Variants in CYRIB observed in about 807,000 individuals in gnomAD.
The protein encoded by CYRIB is CYFIP-related Rac1 interactor B.
A neutral mutation model predicts 44.2 loss-of-function variants in CYRIB; 8 were observed. That is an observed-to-expected ratio of 0.18 (90% CI 0.11 to 0.33). CYRIB has a LOEUF of 0.33. CYRIB is among the 10% of genes least tolerant of loss of function. CYRIB has a pLI of 1.00. For synonymous variants in CYRIB, 131 were observed against 127.2 expected, an observed-to-expected ratio of 1.03 and a Z score of -0.20; for missense variants, 185 against 382.8, an observed-to-expected ratio of 0.48 and a Z score of 4.31.
chr8:130,000,806 C>T (rs1400697441), intron 1 of CYRIB, among the ~76,000 whole-genome samples: 1 of 151,890 alleles, frequency 6.6e-6, no homozygotes, highest in East Asian at 1.9e-4. Flanking sequence ...CCCTGGAGCT[C>T]AGGAGTTAGA....
At chr8:129,949,304 A>G (rs1250148433) in intron 2 of CYRIB, 1 of 152,240 alleles carries the variant, frequency 6.6e-6, no homozygotes, top group Non-Finnish European at 1.5e-5. Context: ...CCATTATTAC[A>G]GAAAGTGATT....
intron 1 of CYRIB, among the ~76,000 whole-genome samples, chr8:129,915,911 C>T (rs2080497995): frequency 6.6e-6 from 1 of 152,144 alleles, no homozygotes; most frequent in Non-Finnish European, 1.5e-5. Flanking sequence ...CATCTTATTA[C>T]ATTCGTATTT....
intron 3 of CYRIB, among the ~76,000 whole-genome samples, chr8:129,876,994 C>T (rs947731244): frequency 1.3e-5 from 2 of 152,106 alleles, no homozygotes; most frequent in African/African-American, 4.8e-5. Flanking sequence ...TAAGAGAACA[C>T]CCATCTGATA....
intron 1 of CYRIB, among the ~76,000 whole-genome samples, chr8:129,909,191 A>T (rs1173615691): frequency 6.6e-6 from 1 of 152,338 alleles, no homozygotes; most frequent in Non-Finnish European, 1.5e-5. Context: ...ACCTCCAGGA[A>T]AAAGTAAATT....
intron 5 of CYRIB, among the ~76,000 whole-genome samples, chr8:129,856,847 G>A (rs1474114548): frequency 6.6e-6 from 1 of 152,136 alleles, no homozygotes; most frequent in Non-Finnish European, 1.5e-5. Context: ...TGACTCCAAA[G>A]CCCTATTCTT....
chr8:129,995,456 C>A (rs1299425192), intron 1 of CYRIB, among the ~76,000 whole-genome samples: 1 of 152,228 alleles, frequency 6.6e-6, no homozygotes, highest in Admixed American at 6.5e-5. Flanking sequence ...CATTCAGCAT[C>A]AGTTACATTG....
chr8:129,974,103 A>C (rs2095823214), intron 1 of CYRIB, among the ~76,000 whole-genome samples: 1 of 152,148 alleles, frequency 6.6e-6, no homozygotes, highest in African/African-American at 2.4e-5. Context: ...AGGCCAAGGC[A>C]GGAGACCCAG....
At chr8:129,988,255 G>A (rs2096535215) in intron 1 of CYRIB, among the ~76,000 whole-genome samples, 1 of 152,176 alleles carries the variant, frequency 6.6e-6, no homozygotes, top group Non-Finnish European at 1.5e-5. Context: ...GTGTCTTCCG[G>A]CCGGCTCTCT....
Position 129,957,573 on chromosome 8 carries a change from G to A in CYRIB, c.-243+13370C>T, listed in dbSNP as rs113950964. 1.8e-3 allele frequency among the ~76,000 whole-genome samples: 279 copies of A among 152,294 alleles called. 2 individuals are homozygous for A. Among genetic ancestry groups the A allele is most frequent in the African/African-American group, 6.5e-3 (268 of 41,546 alleles). Reference sequence around the variant, plus strand: ...ATTGCCGGCACGATGGCTCACACCTGTAATCCCAGCACTTTGGGAGGTGGA... The same window carrying A: ...ATTGCCGGCACGATGGCTCACACCTATAATCCCAGCACTTTGGGAGGTGGA... On this transcript the variant is annotated intron_variant, in intron 2 of 14. Coordinates refer to the CYRIB transcript ENST00000401979.
At chr8:129,914,719 G>A (rs1049830381) in intron 1 of CYRIB, among the ~76,000 whole-genome samples, 1 of 152,136 alleles carries the variant, frequency 6.6e-6, no homozygotes, top group African/African-American at 2.4e-5. Context: ...AACAATGAGA[G>A]TTATGTTTTG....
intron 2 of CYRIB, among the ~76,000 whole-genome samples, chr8:129,969,547 C>T (rs906211040): frequency 3.9e-5 from 6 of 152,182 alleles, no homozygotes; most frequent in African/African-American, 9.7e-5. Flanking sequence ...CTGAAGCCAG[C>T]ATGTTGTGTG....
intron 1 of CYRIB, among the ~76,000 whole-genome samples, chr8:129,922,586 G>A (rs1179443317): frequency 6.6e-6 from 1 of 152,148 alleles, no homozygotes; most frequent in Non-Finnish European, 1.5e-5. Context: ...AATAAAGGCC[G>A]GGCGCGGTGG....
chr8:130,001,193 A>G (rs2096899040), intron 1 of CYRIB, among the ~76,000 whole-genome samples: 1 of 152,134 alleles, frequency 6.6e-6, no homozygotes, highest in African/African-American at 2.4e-5. Flanking sequence ...GGCTTCTCAG[A>G]GGCAGATCCA....
chr8:129,975,210 G>A (rs1216521762), intron 1 of CYRIB, among the ~76,000 whole-genome samples: 1 of 150,902 alleles, frequency 6.6e-6, no homozygotes, highest in Admixed American at 6.6e-5. Flanking sequence ...GAGACAGGGT[G>A]TCACCATATT....
intron 1 of CYRIB, among the ~76,000 whole-genome samples, chr8:129,918,798 C>T (rs185992232): frequency 4.6e-5 from 7 of 152,242 alleles, no homozygotes; most frequent in Non-Finnish European, 8.8e-5. Flanking sequence ...AATATAAGTA[C>T]ATTAGAATAA....
chr8:129,901,641 A>T (rs562925198), intron 2 of CYRIB: 2 of 152,254 alleles, frequency 1.3e-5, no homozygotes, highest in African/African-American at 4.8e-5. Flanking sequence ...GAATTCAGGG[A>T]TCTGTGAATA....
intron 2 of CYRIB, among the ~76,000 whole-genome samples, chr8:129,880,812 AC>A (rs1186101066): frequency 1.3e-5 from 2 of 152,204 alleles, no homozygotes; most frequent in Non-Finnish European, 2.9e-5. Flanking sequence ...CAAATAAGTA[AC>A]TATAGAAACC....
In CYRIB at chr8:129,855,603, A is replaced by T; in HGVS notation, c.438+8T>A. 1 of 1,613,918 alleles carries T rather than the reference A, an allele frequency of 6.2e-7. No homozygotes were observed. Among genetic ancestry groups the T allele is most frequent in the Non-Finnish European group, 8.5e-7 (1 of 1,179,930 alleles). On this transcript the variant is annotated splice_region_variant and intron_variant, in intron 6 of 11. Coordinates refer to ENST00000519824, the Ensembl canonical transcript of CYRIB. Reference sequence around the variant, plus strand: ...TTCGTAACAATCAGGGCCAATAGATAATTCTACCTTGAGTTCATCAAACCG... The same window carrying T: ...TTCGTAACAATCAGGGCCAATAGATTATTCTACCTTGAGTTCATCAAACCG...
chr8:129,871,543 TTAAAATACATGTG>T (rs1564417421), intron 3 of CYRIB, 47 bp from the exon 6 acceptor site: 1 of 1,593,782 alleles, frequency 6.3e-7, no homozygotes, highest in Non-Finnish European at 8.5e-7. Context: ...CATGAATTTT[TTAAAATACATGTG>T]TAACTCTAAG....
Sources: allele counts gnomAD v4.1 joint callset (sites outside exome capture counted in the v4.1 genomes callset), GRCh38; gene constraint gnomAD v4.1.1; transcripts MANE v1.5; gene names NCBI Gene and HGNC (gene_info 2026-07-23, HGNC 2026-07-21).